Variants in FOCAD observed in about 807,000 individuals in gnomAD.
FOCAD encodes KIAA1797.
In FOCAD, 198 loss-of-function variants were observed where a neutral mutation model predicts 225.6. That is an observed-to-expected ratio of 0.88 (90% CI 0.78 to 0.99). The LOEUF is 0.99. Ranked by LOEUF, FOCAD falls within the 50% of genes least tolerant of loss-of-function variation. The pLI, the probability that FOCAD is intolerant of heterozygous loss-of-function variation, is 0.00. For missense variants in FOCAD, 2,713 were observed against 2,123.6 expected (o/e 1.28, Z -5.46); for synonymous variants, 897 against 755.0 (o/e 1.19, Z -3.08).
intron 15 of FOCAD, among the ~76,000 whole-genome samples, chr9:20,825,146 CGTGTGTGTGTGTGTGTGT>C (rs10562859): frequency 1.4e-5 from 2 of 138,988 alleles, no homozygotes; most frequent in Non-Finnish European, 3.1e-5. Flanking sequence ...TCAAGCTTTG[CGTGTGTGTGTGTGTGTGT>C]GTGTGTGTGT....
chr9:20,987,516 A>C (rs1841298432), intron 40 of FOCAD, among the ~76,000 whole-genome samples: 1 of 152,140 alleles, frequency 6.6e-6, no homozygotes, highest in Admixed American at 6.5e-5. Context: ...TTGAAAAAAA[A>C]AAAAAAGAAA....
rs10629839 is a variant in FOCAD at position 20,866,888 on chromosome 9, C to CT, written c.2107-12dup. ...CATGTTGTGTTTTTTTGTTTGCTTG[C>CT]TTTTTTTTTTTTTTTTTTTTTTTTT... On this transcript the variant is annotated intron_variant, in intron 17 of 43. Transcript: ENST00000338382. 2,799 of 341,708 alleles carry CT rather than the reference C, an allele frequency of 8.2e-3. 419 individuals are homozygous for CT. The highest frequency in any genetic ancestry group is 0.026 in the African/African-American group (367 of 13,938). The allele number at this position is 341,708 out of a possible 1,614,324, so 21.2% of individuals were successfully genotyped here. A position where few individuals can be genotyped will look rare whatever the true frequency, so the allele number is the denominator to read the frequency against.
chr9:20,878,739 A>G (rs994442962), intron 19 of FOCAD, among the ~76,000 whole-genome samples: 1 of 152,184 alleles, frequency 6.6e-6, no homozygotes, highest in African/African-American at 2.4e-5. Context: ...TGTGTGACAG[A>G]CTATCTGCAA....
At chr9:20,836,502 G>A (rs1273777893) in intron 15 of FOCAD, among the ~76,000 whole-genome samples, 1 of 152,062 alleles carries the variant, frequency 6.6e-6, no homozygotes, top group Non-Finnish European at 1.5e-5. Flanking sequence ...TATGTTATTT[G>A]TAGTTGGGGC....
chr9:20,942,211 G>A (rs1317396494), intron 28 of FOCAD, among the ~76,000 whole-genome samples: 2 of 152,130 alleles, frequency 1.3e-5, no homozygotes, highest in Admixed American at 6.5e-5. Context: ...CGTTGCTCAG[G>A]TTATAGTAAT....
intron 15 of FOCAD, among the ~76,000 whole-genome samples, chr9:20,847,829 A>C (rs902345833): frequency 1.3e-5 from 2 of 152,128 alleles, no homozygotes; most frequent in Admixed American, 1.3e-4. Context: ...TCTTTAAAAG[A>C]GAAGACAATA....
chr9:20,764,817 C>A, intron 6 of FOCAD, 52 bp from the exon 7 acceptor site: 2 of 1,410,084 alleles, frequency 1.4e-6, no homozygotes, highest in Non-Finnish European at 2.0e-6. Context: ...CACTTACCTG[C>A]TTGATAGTGT....
chr9:20,831,260 A>G (rs1196479124), intron 15 of FOCAD, among the ~76,000 whole-genome samples: 1 of 152,100 alleles, frequency 6.6e-6, no homozygotes, highest in Non-Finnish European at 1.5e-5. Flanking sequence ...CAGGCCAGTT[A>G]TCATTTATTC....
At chr9:20,823,191 A>T in intron 15 of FOCAD, 76 bp downstream of exon 15, 2 of 1,447,264 alleles carry the variant, frequency 1.4e-6, no homozygotes, top group East Asian at 2.6e-5. Context: ...AGAATGTAAG[A>T]TTAGATTCAA....
At chr9:20,804,132 T>G (rs7046488) in intron 11 of FOCAD, among the ~76,000 whole-genome samples, 60,599 of 151,682 alleles carry the variant, frequency 0.4, 12,399 homozygotes, top group East Asian at 0.52. Flanking sequence ...TAAATTTTTT[T>G]TGTGTGTTCC....
At chr9:20,770,302 A>C in intron 8 of FOCAD, 64 bp downstream of exon 8, 1 of 1,419,664 alleles carries the variant, frequency 7.0e-7, no homozygotes, top group African/African-American at 1.4e-5. Flanking sequence ...AGACTTGGTA[A>C]TTTATAAAGA....
chr9:20,855,978 A>T (rs974591174), intron 15 of FOCAD, among the ~76,000 whole-genome samples: 1 of 151,342 alleles, frequency 6.6e-6, no homozygotes, highest in African/African-American at 2.4e-5. Context: ...CATTTTCTTT[A>T]TTCATTCATC....
intron 39 of FOCAD, among the ~76,000 whole-genome samples, chr9:20,982,965 A>C (rs1205407049): frequency 6.6e-6 from 1 of 152,226 alleles, no homozygotes; most frequent in Non-Finnish European, 1.5e-5. Context: ...TTTGCATACC[A>C]ACTAATACCA....
chr9:20,968,728 C>T (rs763273123), intron 35 of FOCAD, among the ~76,000 whole-genome samples: 1 of 152,004 alleles, frequency 6.6e-6, no homozygotes, highest in African/African-American at 2.4e-5. Context: ...CATGAGCCAC[C>T]TCGCCCGGCC....
chr9:20,846,156 C>T (rs770718278), intron 15 of FOCAD, among the ~76,000 whole-genome samples: 35 of 152,060 alleles, frequency 2.3e-4, no homozygotes, highest in Non-Finnish European at 4.6e-4. Flanking sequence ...CTTCCTCAGC[C>T]TCGTGTGCCC....
intron 1 of FOCAD, among the ~76,000 whole-genome samples, chr9:20,697,940 C>G (rs1293422133): frequency 6.6e-6 from 1 of 152,140 alleles, no homozygotes; most frequent in Non-Finnish European, 1.5e-5. Context: ...TCTGCAGGAC[C>G]ATTATAGCTT....
At chr9:20,772,949 A>G (rs147354743) in intron 8 of FOCAD, among the ~76,000 whole-genome samples, 1 of 146,416 alleles carries the variant, frequency 6.8e-6, no homozygotes, top group Non-Finnish European at 1.5e-5. Context: ...AGATATAATC[A>G]TGTTATATAT....
chr9:20,846,287 C>T (rs1191002258), intron 15 of FOCAD, among the ~76,000 whole-genome samples: 1 of 152,074 alleles, frequency 6.6e-6, no homozygotes, highest in East Asian at 1.9e-4. Flanking sequence ...TTTTTCACCT[C>T]CTGGAGATTA....
At chr9:20,733,862 A>T (rs1025321755) in intron 4 of FOCAD, among the ~76,000 whole-genome samples, 1 of 152,156 alleles carries the variant, frequency 6.6e-6, no homozygotes, top group Admixed American at 6.5e-5. Flanking sequence ...TTAGCCAGGT[A>T]TGGTGATGCA....
Sources: allele counts gnomAD v4.1 joint callset (sites outside exome capture counted in the v4.1 genomes callset), GRCh38; gene constraint gnomAD v4.1.1; transcripts MANE v1.5; gene names NCBI Gene and HGNC (gene_info 2026-07-23, HGNC 2026-07-21).